Variants in GPHN observed in about 807,000 individuals in gnomAD.
The protein encoded by GPHN is gephyrin.
GPHN carries 17 observed loss-of-function variants against 95.5 expected under a neutral mutation model. The observed-to-expected ratio is 0.18, with a 90% CI of 0.12 to 0.27. The LOEUF is 0.27. Ranked by LOEUF, GPHN falls within the 10% of genes least tolerant of loss-of-function variation. The pLI is 1.00. For synonymous variants in GPHN, 320 were observed against 322.5 expected (o/e 0.99, Z 0.08); for missense variants, 660 against 978.1 (o/e 0.67, Z 4.34).
chr14:66,568,319 A>G (rs1595007576), intron 1 of GPHN, among the ~76,000 whole-genome samples: 2 of 152,270 alleles, frequency 1.3e-5, no homozygotes, highest in South Asian at 2.1e-4. Flanking sequence ...TGTTTTTGGT[A>G]AAAGCACATT....
chr14:66,590,532 T>C (rs1009589057), intron 1 of GPHN, among the ~76,000 whole-genome samples: 1 of 152,074 alleles, frequency 6.6e-6, no homozygotes, highest in Non-Finnish European at 1.5e-5. Flanking sequence ...ACATCTCTAC[T>C]CAAATAAACT....
chr14:67,132,692 T>G (rs2079796232), intron 17 of GPHN, among the ~76,000 whole-genome samples: 1 of 152,056 alleles, frequency 6.6e-6, no homozygotes, highest in African/African-American at 2.4e-5. Context: ...TTGACATTTC[T>G]GTTTCTTCTA....
chr14:67,579,703 A>G, the GPHN span: 3 of 1,609,676 alleles, frequency 1.9e-6, no homozygotes, highest in African/African-American at 2.7e-5. Flanking sequence ...CAGGGTTGGA[A>G]CTCTTCTCCC....
chr14:66,836,750 A>G (rs1227912480), intron 4 of GPHN, among the ~76,000 whole-genome samples: 2 of 151,686 alleles, frequency 1.3e-5, no homozygotes, highest in Admixed American at 6.6e-5. Flanking sequence ...TTTACAAGAA[A>G]AAAACAAACA....
chr14:67,205,148 A>C, the GPHN span: 2 of 1,453,012 alleles, frequency 1.4e-6, no homozygotes, highest in South Asian at 2.8e-5. Flanking sequence ...GGTTACCGAG[A>C]TCACACTTCT....
intron 21 of GPHN, among the ~76,000 whole-genome samples, chr14:67,177,063 G>T (rs1025158888): frequency 2.6e-5 from 4 of 151,948 alleles, no homozygotes; most frequent in African/African-American, 7.3e-5. Flanking sequence ...AGGGTTTTTT[G>T]TGTCTCTATC....
intron 1 of GPHN, among the ~76,000 whole-genome samples, chr14:66,642,383 A>T (rs528299756): frequency 6.6e-6 from 1 of 152,174 alleles, no homozygotes; most frequent in South Asian, 2.1e-4. Context: ...TTAAGGGCCT[A>T]TGTAAAAGAC....
chr14:67,151,987 A>G (rs1243449990), intron 18 of GPHN, among the ~76,000 whole-genome samples: 1 of 152,018 alleles, frequency 6.6e-6, no homozygotes, highest in African/African-American at 2.4e-5. Context: ...TTCTCTGCCA[A>G]TGAAGTTTAA....
In GPHN at chr14:66,934,508, T is replaced by G. The variant is rs536721202; in HGVS notation, c.828+10216T>G. 5.4e-4 allele frequency among the ~76,000 whole-genome samples: 83 copies of G among 152,302 alleles called. 3 individuals carry two copies. The highest frequency in any genetic ancestry group is 1.9e-3 in the African/African-American group (81 of 41,562). ...AATACTGTATAATCAACATACCCAT[T>G]TCACCTAGCCACAGTCATTAGTTAA... is the stretch of plus-strand genomic sequence containing the variant. On this transcript the variant is annotated intron_variant, in intron 8 of 22. Coordinates refer to ENST00000478722, the MANE Select transcript of GPHN (RefSeq NM_020806.5).
intron 5 of GPHN, among the ~76,000 whole-genome samples, chr14:66,914,134 T>TAC (rs1436164176): frequency 6.6e-6 from 1 of 152,024 alleles, no homozygotes; most frequent in South Asian, 2.1e-4. Context: ...TATGCATACA[T>TAC]ACACACACAC....
chr14:67,432,082 C>T, the GPHN span, among the ~76,000 whole-genome samples: 1 of 152,182 alleles, frequency 6.6e-6, no homozygotes, highest in Non-Finnish European at 1.5e-5. Flanking sequence ...TCCTGCCCCA[C>T]AGGCAGCCAC....
intron 1 of GPHN, among the ~76,000 whole-genome samples, chr14:66,611,673 C>A (rs1373548092): frequency 6.6e-6 from 1 of 152,074 alleles, no homozygotes; most frequent in Non-Finnish European, 1.5e-5. Context: ...TTATTTTGTG[C>A]TAAGGAGAAG....
At chr14:67,300,058 A>G in the GPHN span, among the ~76,000 whole-genome samples, 1 of 152,156 alleles carries the variant, frequency 6.6e-6, no homozygotes, top group East Asian at 1.9e-4. Context: ...AGCCTTGTCC[A>G]TTGTAAGATT....
chr14:66,860,011 T>A lies in GPHN; in HGVS notation c.295-19928T>A, dbSNP rs143856442. 7.0e-3 allele frequency among the ~76,000 whole-genome samples: 1,069 copies of A among 152,200 alleles called. 4 individuals carry two copies. The highest frequency in any genetic ancestry group is 0.025 in the African/African-American group (1,021 of 41,520). ...CTCAAAAGGGTAAATCTAAGAGTTA[T>A]TGGCCTTAAAGAGGAGGTAAAGAAA... On this transcript the variant is annotated intron_variant, in intron 4 of 22. Transcript: ENST00000478722.
intron 5 of GPHN, among the ~76,000 whole-genome samples, chr14:66,914,152 T>C (rs899282817): frequency 3.3e-5 from 5 of 151,800 alleles, no homozygotes; most frequent in African/African-American, 4.8e-5. Context: ...CACAGAAAAA[T>C]AGTGGTCTGG....
chr14:66,656,868 T>G (rs1489105836), intron 1 of GPHN, among the ~76,000 whole-genome samples: 1 of 152,114 alleles, frequency 6.6e-6, no homozygotes, highest in African/African-American at 2.4e-5. Flanking sequence ...AATACTGAAA[T>G]TAGGCCAAAT....
At chr14:66,736,574 AT>A (rs950820344) in intron 2 of GPHN, among the ~76,000 whole-genome samples, 3 of 151,164 alleles carry the variant, frequency 2.0e-5, no homozygotes, top group Non-Finnish European at 4.4e-5. Context: ...AATTTTTTGT[AT>A]TTTTAGTACA....
chr14:66,842,620 C>G, intron 4 of GPHN: 1 of 1,314,818 alleles, frequency 7.6e-7, no homozygotes, highest in Non-Finnish European at 1.1e-6. Flanking sequence ...TAAATTTGAC[C>G]TGCTTTCCTC....
At chr14:66,510,835 TAGAG>T (rs2058013626) in intron 1 of GPHN, among the ~76,000 whole-genome samples, 1 of 152,046 alleles carries the variant, frequency 6.6e-6, no homozygotes, top group Non-Finnish European at 1.5e-5. Flanking sequence ...GGTAAAATGT[TAGAG>T]AGAAGGTAAC....
Sources: gnomAD v4.1 joint callset for allele counts (sites outside exome capture counted in the v4.1 genomes callset) on GRCh38, gnomAD v4.1.1 for gene constraint, MANE v1.5 for transcripts, NCBI Gene and HGNC (gene_info 2026-07-23, HGNC 2026-07-21) for gene names.